Variants in GFRA2 observed in about 807,000 individuals in gnomAD.
GFRA2 encodes the protein GDNF family receptor alpha-2.
Under a neutral mutation model 48.3 loss-of-function variants are expected in GFRA2, and 17 were observed. The ratio of observed to expected loss-of-function variants is 0.35; its 90% CI spans 0.24 to 0.53. The LOEUF is 0.53. Among genes scored for constraint, GFRA2 ranks in the 20% least tolerant of loss-of-function variants. The probability of loss-of-function intolerance (pLI) is 0.93; values close to 1 mark genes in which losing one functional copy is unlikely to be tolerated. For synonymous variants in GFRA2, 305 were observed against 257.2 expected (o/e 1.19, Z -1.78); for missense variants, 660 against 637.3 (o/e 1.04, Z -0.38).
intron 3 of GFRA2, chr8:21,769,198 CATT>C: frequency 1.0e-6 from 1 of 984,498 alleles, no homozygotes; most frequent in Non-Finnish European, 1.2e-6. Context: ...ACAGAGCACT[CATT>C]ATTTACTGAA....
intron 8 of GFRA2, among the ~76,000 whole-genome samples, chr8:21,694,055 T>TTTTTA (rs1802022104): frequency 1.3e-5 from 1 of 77,466 alleles, no homozygotes; most frequent in Non-Finnish European, 2.9e-5. Flanking sequence ...ATATATATAT[T>TTTTTA]TATATATATA....
chr8:21,758,826 C>T (rs967064247), intron 3 of GFRA2, among the ~76,000 whole-genome samples: 4 of 152,122 alleles, frequency 2.6e-5, no homozygotes, highest in African/African-American at 7.2e-5. Flanking sequence ...TCCACCGTGG[C>T]AGGCTAAAAG....
chr8:21,713,019 G>A (rs1243419889), intron 4 of GFRA2, among the ~76,000 whole-genome samples: 1 of 148,790 alleles, frequency 6.7e-6, no homozygotes, highest in Non-Finnish European at 1.5e-5. Context: ...GGGAGACGAG[G>A]GAGAGGGAGA....
rs920994392 is a variant in GFRA2 at position 21,794,750 on chromosome 8, C to T, written c.-35-6556G>A. Among the ~76,000 whole-genome samples the T allele has an allele frequency of 3.6e-3, 550 of 152,174 alleles. 5 individuals carry two copies. Among genetic ancestry groups the T allele is most frequent in the African/African-American group, 0.012 (513 of 41,514 alleles). On this transcript the variant is annotated intron_variant, in intron 2 of 10. Transcript: ENST00000517328. ...CCCTCCTACTGGCAAGTTGACCCCT[C>T]GCCAACATCCCCTCCACACTCCAGA...
At chr8:21,789,451 C>G (rs1008960043), upstream of GFRA2, among the ~76,000 whole-genome samples, 48 of 152,128 alleles carry the variant, frequency 3.2e-4, no homozygotes, top group African/African-American at 9.6e-4. Context: ...TCCGGGGGCT[C>G]GGGGGGCAGG....
At chr8:21,765,504 T>C (rs193074883) in intron 3 of GFRA2, among the ~76,000 whole-genome samples, 1 of 152,160 alleles carries the variant, frequency 6.6e-6, no homozygotes, top group African/African-American at 2.4e-5. Flanking sequence ...CTCAGCTGCC[T>C]TTGCTAGCTC....
intron 1 of GFRA2, chr8:21,784,315 G>C: frequency 2.2e-6 from 1 of 456,226 alleles, no homozygotes; most frequent in Non-Finnish European, 4.4e-6. Context: ...CCGCACCATG[G>C]CCCAGAGCCA....
chr8:21,723,267 G>A (rs1803690830), intron 4 of GFRA2, among the ~76,000 whole-genome samples: 1 of 152,164 alleles, frequency 6.6e-6, no homozygotes. Context: ...GAACAAGCAG[G>A]TTCAGGCATC....
intron 6 of GFRA2, 109 bp downstream of exon 6, chr8:21,704,876 C>T: frequency 1.1e-6 from 1 of 889,910 alleles, no homozygotes; most frequent in South Asian, 1.4e-5. Flanking sequence ...GCGGAGAAGC[C>T]TCATCTACAT....
chr8:21,788,022 C>A lies in GFRA2; in HGVS notation c.40+98G>T. On this transcript the variant is annotated intron_variant, in intron 1 of 8. Transcript: ENST00000524240. ...CGGCTAGCTCCGCGGCGCGCTCTCC[C>A]CGCCGACCTCCCGCCAGCCCCCCAC... The A allele has an allele frequency of 4.6e-6, 3 of 648,278 alleles. No individual in the cohort carries two copies. In the South Asian group the frequency reaches 7.1e-5, roughly 15 times the overall value. 40.2% of individuals were successfully genotyped at this position (648,278 alleles called of 1,614,324 possible). A position where few individuals can be genotyped will look rare whatever the true frequency, so the allele number is the denominator to read the frequency against.
chr8:21,781,944 C>G (rs1807012877), intron 2 of GFRA2, among the ~76,000 whole-genome samples: 1 of 151,910 alleles, frequency 6.6e-6, no homozygotes. Context: ...TGCCTGCACA[C>G]TGCCCCAAGC....
chr8:21,694,660 T>G, intron 7 of GFRA2, 143 bp from the exon 8 acceptor site: 1 of 740,806 alleles, frequency 1.3e-6, no homozygotes, highest in Non-Finnish European at 2.3e-6. Flanking sequence ...GGTAGCTCAA[T>G]TCCACCCAGC....
At chr8:21,748,811 C>T (rs1005901885) in intron 4 of GFRA2, among the ~76,000 whole-genome samples, 1 of 152,252 alleles carries the variant, frequency 6.6e-6, no homozygotes, top group Non-Finnish European at 1.5e-5. Flanking sequence ...ATTTCTCCAA[C>T]AGCCTCCCCC....
intron 3 of GFRA2, among the ~76,000 whole-genome samples, chr8:21,772,585 A>T (rs1806488051): frequency 6.6e-6 from 1 of 152,166 alleles, no homozygotes; most frequent in East Asian, 1.9e-4. Flanking sequence ...TGGGTGGAGC[A>T]GAGTCAACAG....
chr8:21,704,862 C>A, intron 6 of GFRA2, 123 bp downstream of exon 6: 1 of 791,240 alleles, frequency 1.3e-6, no homozygotes, highest in Non-Finnish European at 2.1e-6. Flanking sequence ...GGGCAACACC[C>A]ATGGCGGAGA....
At chr8:21,782,527 A>T (rs1271951738) in intron 2 of GFRA2, 58 bp downstream of exon 2, 15 of 1,331,562 alleles carry the variant, frequency 1.1e-5, no homozygotes, top group African/African-American at 1.5e-5. Context: ...GGCCCGCCAC[A>T]CGTCCTCTCT....
intron 4 of GFRA2, among the ~76,000 whole-genome samples, chr8:21,706,617 C>T (rs1367700507): frequency 6.6e-6 from 1 of 152,136 alleles, no homozygotes; most frequent in Non-Finnish European, 1.5e-5. Context: ...TGCATTAAGC[C>T]AGAGCAAAGG....
intron 4 of GFRA2, among the ~76,000 whole-genome samples, chr8:21,747,615 G>A (rs1183694630): frequency 2.0e-5 from 3 of 151,930 alleles, no homozygotes; most frequent in Non-Finnish European, 4.4e-5. Context: ...AGTGTGCACA[G>A]GGCCCCAGCT....
At chr8:21,705,754 G>A (rs1011608657) in intron 5 of GFRA2, among the ~76,000 whole-genome samples, 178 bp downstream of exon 5, 3 of 152,146 alleles carry the variant, frequency 2.0e-5, no homozygotes, top group Admixed American at 1.3e-4. Flanking sequence ...TAGGTCCTCC[G>A]CCTTGTTACA....
Sources: allele counts gnomAD v4.1 joint callset (sites outside exome capture counted in the v4.1 genomes callset), GRCh38; gene constraint gnomAD v4.1.1; transcripts MANE v1.5; gene names NCBI Gene and HGNC (gene_info 2026-07-23, HGNC 2026-07-21).